KIAA1217: variants seen among roughly 807,000 people sequenced by gnomAD.
The protein encoded by KIAA1217 is KIAA1217, also known as sickle tail protein homolog.
KIAA1217 carries 88 observed loss-of-function variants against 163.9 expected under a neutral mutation model. That is an observed-to-expected ratio of 0.54 (90% CI 0.45 to 0.64). The LOEUF is 0.64. Among genes scored for constraint, KIAA1217 ranks in the 30% least tolerant of loss-of-function variants. KIAA1217 has a pLI of 0.00. For missense variants in KIAA1217, 2,372 were observed against 2,475.0 expected, an observed-to-expected ratio of 0.96 and a Z score of 0.88; for synonymous variants, 903 against 923.1, an observed-to-expected ratio of 0.98 and a Z score of 0.39.
At chr10:23,963,729 C>T (rs2131376882) in intron 1 of KIAA1217, among the ~76,000 whole-genome samples, 1 of 152,264 alleles carries the variant, frequency 6.6e-6, no homozygotes, top group Non-Finnish European at 1.5e-5. Flanking sequence ...TATACTCCCA[C>T]CAACAGTGTA....
intron 1 of KIAA1217, among the ~76,000 whole-genome samples, chr10:23,733,404 A>T (rs1489093014): frequency 6.6e-6 from 1 of 152,194 alleles, no homozygotes; most frequent in South Asian, 2.1e-4. Flanking sequence ...TTTTGGTATC[A>T]TCAGGGAATT....
In KIAA1217 at chr10:24,270,234, T is replaced by C. The variant is rs140782733; in HGVS notation, c.354+50325T>C. On this transcript the variant is annotated intron_variant, in intron 2 of 20. Coordinates refer to ENST00000376454, the MANE Select transcript of KIAA1217 (RefSeq NM_019590.5). ...AATTATTCTAGATTCAAACTGAAGA[T>C]TGTGGTTCATGTCAAGAGTCAGTTT... 3.6e-4 allele frequency among the ~76,000 whole-genome samples: 55 copies of C among 152,362 alleles called. No homozygotes were observed. In the Middle Eastern group the frequency reaches 0.027, roughly 75 times the overall value.
At chr10:24,207,282 T>TCACACACACA (rs71397934), upstream of KIAA1217, among the ~76,000 whole-genome samples, 3,478 of 140,170 alleles carry the variant, frequency 0.025, 132 homozygotes, top group African/African-American at 0.085. Flanking sequence ...TCTCTCTCTC[T>TCACACACACA]CACACACACA....
intron 2 of KIAA1217, among the ~76,000 whole-genome samples, chr10:24,149,666 A>G (rs1184507719): frequency 2.0e-5 from 3 of 152,210 alleles, no homozygotes; most frequent in Non-Finnish European, 4.4e-5. Flanking sequence ...ACACTTAGCT[A>G]GAAGGAATAA....
chr10:24,457,031 A>C (rs1032291445), intron 5 of KIAA1217, among the ~76,000 whole-genome samples: 2 of 151,936 alleles, frequency 1.3e-5, no homozygotes, highest in Admixed American at 1.3e-4. Context: ...AAAAAAAAAA[A>C]TTGGAAACTA....
chr10:24,462,828 G>A (rs1214179997), intron 5 of KIAA1217, among the ~76,000 whole-genome samples: 1 of 152,170 alleles, frequency 6.6e-6, no homozygotes, highest in East Asian at 1.9e-4. Context: ...TGGTTGACAA[G>A]TTACATAGTA....
intron 1 of KIAA1217, among the ~76,000 whole-genome samples, chr10:24,215,598 C>T (rs2068712433): frequency 6.6e-6 from 1 of 152,212 alleles, no homozygotes; most frequent in Non-Finnish European, 1.5e-5. Context: ...CCTGATCCCT[C>T]TCTAGTTTGT....
intron 2 of KIAA1217, among the ~76,000 whole-genome samples, chr10:24,130,308 A>G (rs533468590): frequency 7.0e-4 from 107 of 152,326 alleles, no homozygotes; most frequent in African/African-American, 2.5e-3. Flanking sequence ...TGTATTATAT[A>G]TAACTCAAGC....
intron 3 of KIAA1217, among the ~76,000 whole-genome samples, chr10:24,420,352 G>T (rs1326265605): frequency 1.3e-5 from 2 of 151,794 alleles, no homozygotes; most frequent in Non-Finnish European, 2.9e-5. Flanking sequence ...ATCCATTTTT[G>T]GATATCCATT....
At chr10:24,466,411 G>A (rs2062951299) in intron 5 of KIAA1217, 1 of 424,182 alleles carries the variant, frequency 2.4e-6, no homozygotes, top group African/African-American at 2.2e-5. Flanking sequence ...GTAAGCAGTT[G>A]TTGAAGGACT....
At position 24,544,410 on chromosome 10, in the gene KIAA1217, C is replaced by G. The variant is rs751089278; in HGVS notation, c.5140C>G (p.Pro1714Ala). 2.5e-6 allele frequency: 4 copies of G among 1,614,142 alleles called. No individual in the cohort carries two copies. In the Admixed American group the frequency reaches 5.0e-5, roughly 20 times the overall value. ...SHIAQEASPR[P>A]LLVPDEGPTA... Reference sequence around the variant, plus strand: ...CATAGCCCAAGAGGCCTCTCCCCGACCCTTGCTAGTTCCGGATGAAGGTCC... The same window carrying G: ...CATAGCCCAAGAGGCCTCTCCCCGAGCCTTGCTAGTTCCGGATGAAGGTCC... Residue 1714 changes from proline (P) to alanine (A), a missense_variant, in exon 19 of 21, where the codon CCC becomes GCC. Physicochemically the swap from Pro to Ala is conservative, Grantham distance 27 (BLOSUM62 -1). This residue lies in a region of KIAA1217 where 690 missense variants were observed against 677.5 expected (regional missense o/e 1.02). Transcript: ENST00000376454.
chr10:24,393,882 A>T (rs1310258400), intron 3 of KIAA1217, among the ~76,000 whole-genome samples: 2 of 152,324 alleles, frequency 1.3e-5, no homozygotes, highest in East Asian at 3.9e-4. Context: ...TAATTGTGGC[A>T]GCCTGAACAA....
chr10:24,177,327 A>G (rs1390872944), intron 2 of KIAA1217, among the ~76,000 whole-genome samples: 4 of 125,600 alleles, frequency 3.2e-5, no homozygotes, highest in African/African-American at 1.3e-4. Context: ...TATATCACAT[A>G]TATCTTTGTA....
At chr10:24,235,207 T>C (rs2072058450) in intron 2 of KIAA1217, among the ~76,000 whole-genome samples, 1 of 151,676 alleles carries the variant, frequency 6.6e-6, no homozygotes, top group African/African-American at 2.4e-5. Flanking sequence ...ACCTAAAAAA[T>C]ACCTTTACAG....
At chr10:24,013,030 T>A (rs1330512851) in intron 2 of KIAA1217, among the ~76,000 whole-genome samples, 2 of 152,216 alleles carry the variant, frequency 1.3e-5, no homozygotes, top group African/African-American at 4.8e-5. Flanking sequence ...CTTTTGCAGA[T>A]AAGCACAGAG....
chr10:23,884,025 T>C (rs570078999), intron 1 of KIAA1217, among the ~76,000 whole-genome samples: 2 of 152,104 alleles, frequency 1.3e-5, no homozygotes, highest in African/African-American at 4.8e-5. Context: ...GGCATCTTAG[T>C]TGTTTCCAAG....
intron 5 of KIAA1217, among the ~76,000 whole-genome samples, 179 bp from the exon 6 acceptor site, chr10:24,473,049 C>T (rs2063695926): frequency 6.6e-6 from 1 of 152,230 alleles, no homozygotes. Flanking sequence ...TCTCCCATCT[C>T]ACCATCCTCA....
At chr10:23,868,024 T>A (rs1840277322) in intron 1 of KIAA1217, among the ~76,000 whole-genome samples, 1 of 152,182 alleles carries the variant, frequency 6.6e-6, no homozygotes, top group Admixed American at 6.5e-5. Context: ...AATTAATTTT[T>A]GTATAAGGTG....
chr10:23,945,909 T>C (rs907184254), intron 1 of KIAA1217, among the ~76,000 whole-genome samples: 11 of 152,156 alleles, frequency 7.2e-5, no homozygotes, highest in African/African-American at 2.7e-4. Flanking sequence ...TATATATCCT[T>C]CTACCTGTTT....
Sources: gnomAD v4.1 joint callset for allele counts (sites outside exome capture counted in the v4.1 genomes callset) on GRCh38, gnomAD v4.1.1 for gene constraint, gnomAD v4.1.1 regional missense constraint, MANE v1.5 for transcripts, NCBI Gene and HGNC (gene_info 2026-07-23, HGNC 2026-07-21) for gene names.